RABGEF1: variants seen among roughly 807,000 people sequenced by gnomAD.
The protein encoded by RABGEF1 is rab5 GDP/GTP exchange factor.
A neutral mutation model predicts 57.3 loss-of-function variants in RABGEF1; 26 were observed. The ratio of observed to expected loss-of-function variants is 0.45; its 90% confidence interval spans 0.33 to 0.63. The LOEUF is 0.63. Among genes scored for constraint, RABGEF1 ranks in the 20% least tolerant of loss-of-function variants. RABGEF1 has a pLI of 0.02. For missense variants in RABGEF1, 464 were observed against 607.6 expected, an observed-to-expected ratio of 0.76 and a Z score of 2.48; for synonymous variants, 185 against 210.7, an observed-to-expected ratio of 0.88 and a Z score of 1.06.
At chr7:66,801,935 G>C (rs1231265472) in intron 7 of RABGEF1, among the ~76,000 whole-genome samples, 1 of 152,088 alleles carries the variant, frequency 6.6e-6, no homozygotes, top group Non-Finnish European at 1.5e-5. Flanking sequence ...TTTGAGACAG[G>C]ATCTCTCTGT....
intron 1 of RABGEF1, among the ~76,000 whole-genome samples, chr7:66,768,194 T>A (rs746512276): frequency 1.3e-5 from 2 of 152,260 alleles, no homozygotes; most frequent in Non-Finnish European, 2.9e-5. Context: ...TTTACTGTAC[T>A]GGACAGTTAA....
At chr7:66,682,982 A>G (rs1047406755) in intron 1 of RABGEF1, among the ~76,000 whole-genome samples, 7 of 152,084 alleles carry the variant, frequency 4.6e-5, no homozygotes, top group Non-Finnish European at 8.8e-5. Context: ...CGAGTGACCA[A>G]TCCTTGTGGT....
intron 1 of RABGEF1, among the ~76,000 whole-genome samples, chr7:66,700,498 G>GAGGGTAGTTGGGGGGAGGGGGAGA (rs2117244427): frequency 6.9e-6 from 1 of 145,284 alleles, no homozygotes; most frequent in South Asian, 2.4e-4. Context: ...GGAGGGGGAG[G>GAGGGTAGTTGGGGGGAGGGGGAGA]TAGGGGAGGG....
intron 1 of RABGEF1, among the ~76,000 whole-genome samples, chr7:66,687,096 C>T (rs1352755551): frequency 2.1e-5 from 3 of 144,246 alleles, no homozygotes; most frequent in Admixed American, 1.4e-4. Context: ...GCTGAGATTA[C>T]GAGCCACCAC....
chr7:66,783,173 T>A (rs1810369731), intron 3 of RABGEF1, among the ~76,000 whole-genome samples: 2 of 152,220 alleles, frequency 1.3e-5, no homozygotes. Context: ...AACGAAATGG[T>A]GGGTAAATAA....
the RABGEF1 span, among the ~76,000 whole-genome samples, chr7:66,670,433 ATTTTTTTTTTTTTTTTT>A: frequency 5.2e-5 from 6 of 116,064 alleles, no homozygotes; most frequent in African/African-American, 6.3e-5. Flanking sequence ...GAATGAGATG[ATTTTTTTTTTTTTTTTT>A]TTTTTTTTTT....
chr7:66,687,335 A>C (rs1395174247), intron 1 of RABGEF1, among the ~76,000 whole-genome samples: 1 of 151,644 alleles, frequency 6.6e-6, no homozygotes, highest in Admixed American at 6.6e-5. Flanking sequence ...CTTGTTGGCC[A>C]GGTCAGTCTC....
At chr7:66,764,901 T>C (rs1404264303) in intron 1 of RABGEF1, among the ~76,000 whole-genome samples, 4 of 152,246 alleles carry the variant, frequency 2.6e-5, no homozygotes, top group Admixed American at 2.0e-4. Flanking sequence ...ATGTCAGTTT[T>C]CTTACATTCT....
chr7:66,722,105 C>T (rs1796116770), intron 2 of RABGEF1, among the ~76,000 whole-genome samples: 1 of 152,020 alleles, frequency 6.6e-6, no homozygotes, highest in Non-Finnish European at 1.5e-5. Flanking sequence ...TTCAGGGAGC[C>T]ATGATTGTTT....
chr7:66,764,360 C>G (rs1055774308), intron 1 of RABGEF1, among the ~76,000 whole-genome samples: 7 of 151,736 alleles, frequency 4.6e-5, no homozygotes, highest in African/African-American at 1.7e-4. Context: ...ATTCTGGATA[C>G]AAGTTCCTTA....
intron 1 of RABGEF1, among the ~76,000 whole-genome samples, chr7:66,761,042 C>A (rs1439292861): frequency 6.6e-6 from 1 of 152,170 alleles, no homozygotes; most frequent in East Asian, 1.9e-4. Context: ...CTTCTTTCAA[C>A]AAAGAATTGA....
At chr7:66,785,882 A>G (rs76866202) in intron 4 of RABGEF1, among the ~76,000 whole-genome samples, 5,562 of 152,044 alleles carry the variant, frequency 0.037, 161 homozygotes, top group East Asian at 0.085. Flanking sequence ...TGGGGGGGAA[A>G]AAAAAAAAGT....
chr7:66,751,128 T>A (rs1021656300), intron 1 of RABGEF1, among the ~76,000 whole-genome samples: 3 of 152,010 alleles, frequency 2.0e-5, no homozygotes, highest in African/African-American at 4.8e-5. Flanking sequence ...CCTCCCAGGT[T>A]CAAGCAATTC....
At chr7:66,743,400 C>T (rs957626670) in intron 1 of RABGEF1, among the ~76,000 whole-genome samples, 28 of 151,988 alleles carry the variant, frequency 1.8e-4, no homozygotes, top group Non-Finnish European at 1.3e-4. Context: ...ACACAGCTCA[C>T]TGTAGCCTCC....
intron 2 of RABGEF1, among the ~76,000 whole-genome samples, chr7:66,732,950 A>G (rs1488880779): frequency 6.6e-6 from 1 of 152,132 alleles, no homozygotes; most frequent in Non-Finnish European, 1.5e-5. Flanking sequence ...AGTCAGGGTG[A>G]GCTTGCAAAA....
intron 4 of RABGEF1, among the ~76,000 whole-genome samples, chr7:66,789,105 G>A (rs914631702): frequency 1.3e-5 from 2 of 152,156 alleles, no homozygotes; most frequent in African/African-American, 4.8e-5. Flanking sequence ...AGAAAGATAA[G>A]TGTCCTCCTA....
chr7:66,671,028 TATATAGAGAG>T, the RABGEF1 span, among the ~76,000 whole-genome samples: 3 of 151,012 alleles, frequency 2.0e-5, no homozygotes, highest in African/African-American at 7.3e-5. Flanking sequence ...TTTATATATA[TATATAGAGAG>T]AGAGATAGAG....
intron 2 of RABGEF1, among the ~76,000 whole-genome samples, chr7:66,731,854 C>A (rs1797356886): frequency 6.6e-6 from 1 of 152,210 alleles, no homozygotes; most frequent in Non-Finnish European, 1.5e-5. Flanking sequence ...GGTTTGGCAA[C>A]TGCCCAAGGT....
At chr7:66,711,712 G>A (rs989141925) in intron 1 of RABGEF1, among the ~76,000 whole-genome samples, 1 of 151,520 alleles carries the variant, frequency 6.6e-6, no homozygotes, top group African/African-American at 2.4e-5. Context: ...TCAGCCTCCC[G>A]AGTAGCTGGA....
Sources: allele counts gnomAD v4.1 joint callset (sites outside exome capture counted in the v4.1 genomes callset), GRCh38; gene constraint gnomAD v4.1.1; transcripts MANE v1.5; gene names NCBI Gene and HGNC (gene_info 2026-07-23, HGNC 2026-07-21).